Variants in WWOX observed in about 807,000 individuals in gnomAD.
WWOX encodes WW domain containing oxidoreductase.
A neutral mutation model predicts 46.2 loss-of-function variants in WWOX; 69 were observed. The observed-to-expected ratio is 1.49, with a 90% CI of 1.23 to 1.82. The LOEUF is 1.82. WWOX is among the 40% of genes most tolerant of loss of function. The probability of loss-of-function intolerance (pLI) is 0.00; values close to 1 mark genes in which losing one functional copy is unlikely to be tolerated. For synonymous variants in WWOX, 359 were observed against 202.6 expected (o/e 1.77, Z -6.56); for missense variants, 919 against 542.6 (o/e 1.69, Z -6.89).
At chr16:79,030,413 C>G (rs1437350056) in intron 8 of WWOX, among the ~76,000 whole-genome samples, 1 of 152,128 alleles carries the variant, frequency 6.6e-6, no homozygotes, top group Admixed American at 6.5e-5. Flanking sequence ...TTTCATGGCC[C>G]TTTTTTCCCA....
chr16:78,706,245 T>A (rs945490560), intron 8 of WWOX, among the ~76,000 whole-genome samples: 1 of 152,110 alleles, frequency 6.6e-6, no homozygotes, highest in Non-Finnish European at 1.5e-5. Flanking sequence ...ACTTTTTCCT[T>A]ATTTGACCCA....
chr16:79,210,061 A>T (rs955631191), intron 8 of WWOX, among the ~76,000 whole-genome samples: 1 of 152,232 alleles, frequency 6.6e-6, no homozygotes, highest in African/African-American at 2.4e-5. Context: ...CAAATTCAGG[A>T]CCAGTGGAAC....
intron 8 of WWOX, among the ~76,000 whole-genome samples, chr16:78,964,023 G>A (rs569206865): frequency 1.7e-4 from 26 of 152,234 alleles, no homozygotes; most frequent in Admixed American, 1.6e-3. Flanking sequence ...ATGATTCTGA[G>A]ACCTCCCCAG....
At chr16:78,981,792 G>A (rs957066501) in intron 8 of WWOX, 5 of 152,152 alleles carry the variant, frequency 3.3e-5, no homozygotes, top group African/African-American at 1.2e-4. Context: ...CGTTTCCAAG[G>A]ACGAGGAGCA....
chr16:78,266,214 A>G (rs1328997011), intron 5 of WWOX, among the ~76,000 whole-genome samples: 1 of 152,254 alleles, frequency 6.6e-6, no homozygotes, highest in African/African-American at 2.4e-5. Flanking sequence ...AACCAATAGA[A>G]TAATGTTTTA....
intron 8 of WWOX, among the ~76,000 whole-genome samples, chr16:78,654,508 A>T (rs1429038167): frequency 6.6e-6 from 1 of 152,220 alleles, no homozygotes; most frequent in Non-Finnish European, 1.5e-5. Context: ...GCAGAAAAGA[A>T]ATAGGTAAAA....
rs565098926 is a variant in WWOX, at chr16:79,212,387, T to A, written c.*591T>A. The A allele has an allele frequency of 1.9e-5, 9 of 479,704 alleles. No homozygotes were observed. The highest frequency in any genetic ancestry group is 1.3e-4 in the African/African-American group (7 of 52,522). The allele number at this position is 479,704 out of a possible 1,614,324, so 29.7% of individuals were successfully genotyped here. On this transcript the variant is annotated 3_prime_UTR_variant, in exon 9 of 9. Coordinates refer to ENST00000566780, the MANE Select transcript of WWOX (RefSeq NM_016373.4). ...GAGTAGAATACGCAGAACTACCAGG[T>A]GGCAAAGTACTTGTCATAGACTCCT...
intron 8 of WWOX, among the ~76,000 whole-genome samples, chr16:78,985,263 G>C (rs2046762262): frequency 6.6e-6 from 1 of 152,200 alleles, no homozygotes; most frequent in African/African-American, 2.4e-5. Flanking sequence ...GCTGTCTTCT[G>C]TCACTCTGTC....
chr16:78,626,435 C>T (rs576119738), intron 8 of WWOX, among the ~76,000 whole-genome samples: 23 of 152,258 alleles, frequency 1.5e-4, no homozygotes, highest in African/African-American at 3.1e-4. Context: ...TAGGATGCTC[C>T]TGTGTTGGGA....
intron 5 of WWOX, among the ~76,000 whole-genome samples, chr16:78,374,483 T>C (rs529874829): frequency 1.3e-5 from 2 of 151,250 alleles, no homozygotes; most frequent in East Asian, 1.9e-4. Flanking sequence ...GATGACTCTT[T>C]TTGTGTTTAT....
In WWOX at chr16:79,101,325, T is replaced by C. The variant is rs147167240; in HGVS notation, c.1057-110283T>C. The C allele has an allele frequency of 8.5e-5, 13 of 152,332 alleles. No individual in the cohort carries two copies. The East Asian group carries it at 2.3e-3, about 27-fold the overall frequency. The allele number at this position is 152,332 out of a possible 1,614,324, so 9.4% of individuals were successfully genotyped here. On this transcript the variant is annotated intron_variant, in intron 8 of 8. Coordinates refer to ENST00000566780, the MANE Select transcript of WWOX (RefSeq NM_016373.4). ...TCTTAATCCAACAACTCTGCTGGTC[T>C]CTCTGCTGACACAAGATCGTTCGCA... is the stretch of plus-strand genomic sequence containing the variant.
intron 8 of WWOX, among the ~76,000 whole-genome samples, chr16:79,010,785 C>T (rs1232942198): frequency 1.4e-5 from 2 of 146,622 alleles, no homozygotes; most frequent in Non-Finnish European, 3.0e-5. Flanking sequence ...AGAGGGGAAA[C>T]CATGGCCCTA....
At chr16:78,766,471 C>G (rs751451218) in intron 8 of WWOX, among the ~76,000 whole-genome samples, 1 of 152,134 alleles carries the variant, frequency 6.6e-6, no homozygotes, top group South Asian at 2.1e-4. Flanking sequence ...CCGTGTAGTC[C>G]CAGCTATTCA....
chr16:78,966,975 T>C (rs1000161687), intron 8 of WWOX, among the ~76,000 whole-genome samples: 16 of 152,224 alleles, frequency 1.1e-4, no homozygotes, highest in African/African-American at 3.6e-4. Flanking sequence ...AGTTATTTCT[T>C]ATTAACATTT....
At chr16:79,034,591 G>A (rs952217224) in intron 8 of WWOX, among the ~76,000 whole-genome samples, 2 of 152,092 alleles carry the variant, frequency 1.3e-5, no homozygotes, top group African/African-American at 2.4e-5. Context: ...ATTCTGTTGT[G>A]GAGTGATTAT....
intron 8 of WWOX, among the ~76,000 whole-genome samples, chr16:78,719,521 A>C (rs2048644081): frequency 6.6e-6 from 1 of 152,238 alleles, no homozygotes; most frequent in Non-Finnish European, 1.5e-5. Flanking sequence ...ATGCGAATAA[A>C]TAGGAGACAA....
At chr16:78,726,115 G>GCCTCTCTC (rs2048828697) in intron 8 of WWOX, among the ~76,000 whole-genome samples, 1 of 123,562 alleles carries the variant, frequency 8.1e-6, no homozygotes, top group South Asian at 3.1e-4. Flanking sequence ...CTCCCTCTCT[G>GCCTCTCTC]CCTCCCTCTC....
intron 8 of WWOX, among the ~76,000 whole-genome samples, chr16:78,566,740 T>G (rs1157314619): frequency 6.6e-6 from 1 of 152,166 alleles, no homozygotes; most frequent in Non-Finnish European, 1.5e-5. Flanking sequence ...TTCCTCCTCC[T>G]AGAATTCCTG....
At chr16:78,424,770 G>T in intron 6 of WWOX, 100 bp from the exon 7 acceptor site, 2 of 1,300,728 alleles carry the variant, frequency 1.5e-6, no homozygotes, top group Admixed American at 1.7e-5. Context: ...ATCCTTGGTT[G>T]TAGTGTTTAT....
Sources: gnomAD v4.1 joint callset for allele counts (sites outside exome capture counted in the v4.1 genomes callset) on GRCh38, gnomAD v4.1.1 for gene constraint, MANE v1.5 for transcripts, NCBI Gene and HGNC (gene_info 2026-07-23, HGNC 2026-07-21) for gene names.